The following CRAMP1 variants were observed in gnomAD, a reference collection of about 807,000 sequenced individuals.
CRAMP1 encodes cramped chromatin regulator 1.
Under a neutral mutation model 115.4 loss-of-function variants are expected in CRAMP1, and 50 were observed. The ratio of observed to expected loss-of-function variants is 0.43; its 90% confidence interval spans 0.35 to 0.55. The LOEUF (loss-of-function observed/expected upper bound fraction) is 0.55, where lower values mean the gene tolerates loss of function less well. Among genes scored for constraint, CRAMP1 ranks in the 20% least tolerant of loss-of-function variants. The pLI is 0.01. For synonymous variants in CRAMP1, 866 were observed against 745.4 expected (o/e 1.16, Z -2.64); for missense variants, 1,679 against 1,721.7 (o/e 0.98, Z 0.44).
rs931657131 is a variant in CRAMP1 at position 1,672,577 on chromosome 16, G to A, written c.3646-1304G>A. 8.5e-5 allele frequency among the ~76,000 whole-genome samples: 13 copies of A among 152,206 alleles called. No homozygotes were observed. Among genetic ancestry groups the A allele is most frequent in the Non-Finnish European group, 1.8e-4 (12 of 68,034 alleles). On this transcript the variant is annotated intron_variant, in intron 20 of 20. Transcript: ENST00000397412. This position sits in a 1 kb window ranked among gnomAD's most constrained non-coding sequence, Gnocchi z 4.9. ...TGCTTTTGAAAACAAATTTTAATTT[G>A]TCTGACATTTCCCATAATCAAAGCA...
Position 1,656,529 on chromosome 16 carries a change from T to C in CRAMP1, c.1772T>C (p.Leu591Pro). 1 of 1,559,060 alleles carries C rather than the reference T, an allele frequency of 6.4e-7. No individual in the cohort carries two copies. Among genetic ancestry groups the C allele is most frequent in the Non-Finnish European group, 8.7e-7 (1 of 1,152,220 alleles). The change falls in exon 10 of 21, where the codon CTG becomes CCG. Residue 591 changes from leucine to proline, a missense_variant. Leu to Pro is a moderately conservative substitution (Grantham distance 98, BLOSUM62 -3). Coordinates refer to ENST00000397412, the MANE Select transcript of CRAMP1 (RefSeq NM_020825.4). This position sits in a 1 kb window ranked among gnomAD's most constrained non-coding sequence, Gnocchi z 5.6. Reference sequence around the variant, plus strand: ...CGGCCTGGGAGCGAGCAGCCCCCTCTGGGCGGGGCGGCCTCCCCAGAGGTG... The same window carrying C: ...CGGCCTGGGAGCGAGCAGCCCCCTCCGGGCGGGGCGGCCTCCCCAGAGGTG... ...DTRPGSEQPP[L>P]GGAASPEVLA...
rs1431823838 is a variant in CRAMP1, at chr16:1,659,887, C to A, written c.2237C>A (p.Ala746Asp). ...TTGTTTGGCCCATTTCTGTCCTAGG[C>A]TCTGGAAGCAAACACCATCTCTACA... The part of the protein sequence containing the change: ...LISTEVNPKL[A>D]LEANTISTAS... Residue 746 changes from alanine to aspartate, a missense_variant and splice_region_variant, in exon 11 of 21, where the codon GCT (alanine) becomes GAT (aspartate). Ala to Asp is a moderately radical substitution (Grantham distance 126). Transcript: ENST00000397412. The A allele has an allele frequency of 1.2e-6, 2 of 1,613,186 alleles. No individual in the cohort carries two copies. Among genetic ancestry groups the A allele is most frequent in the Non-Finnish European group, 1.7e-6 (2 of 1,179,782 alleles).
At position 1,614,629 on chromosome 16, in the gene CRAMP1, C is replaced by T. The variant is rs994373596; in HGVS notation, c.-1-10C>T. 6.5e-6 allele frequency: 8 copies of T among 1,240,206 alleles called. No homozygotes were observed. In the African/African-American group the frequency reaches 7.8e-5, roughly 12 times the overall value. The allele number at this position is 1,240,206 out of a possible 1,614,324, so 76.8% of individuals were successfully genotyped here. On this transcript the variant is annotated splice_polypyrimidine_tract_variant and intron_variant, in intron 1 of 20. Coordinates refer to ENST00000397412, the MANE Select transcript of CRAMP1 (RefSeq NM_020825.4). This position sits in a 1 kb window ranked among gnomAD's most constrained non-coding sequence, Gnocchi z 4.4. ...CGCCTCACCGGCCGCCTCCCCTCTC[C>T]CGGCCGCAGGATGACAGTGAAGTTG...
In CRAMP1 at chr16:1,666,979, T is replaced by A. The variant is rs1278619890; in HGVS notation, c.3037-356T>A. ...CTTGGCCATTGCTCCTTTCCAAGGC[T>A]CTGAGCACCTGGTTTCTCTGGCCTC... On this transcript the variant is annotated intron_variant, in intron 16 of 20. Transcript: ENST00000397412. The surrounding 1 kb of genome is among the most constrained non-coding windows in gnomAD (Gnocchi z 5.0). Among the ~76,000 whole-genome samples the A allele has an allele frequency of 6.6e-6, 1 of 152,220 alleles. No homozygotes were observed. Among genetic ancestry groups the A allele is most frequent in the East Asian group, 1.9e-4 (1 of 5,190 alleles).
intron 4 of CRAMP1, among the ~76,000 whole-genome samples, chr16:1,634,833 C>G (rs1300966180): frequency 1.3e-5 from 2 of 152,238 alleles, no homozygotes; most frequent in African/African-American, 4.8e-5. Context: ...CATGGACTGT[C>G]ATTGCGCATC....
rs1310352406 is a variant in CRAMP1, at chr16:1,666,135, G to A, written c.2815G>A (p.Val939Met). 7.5e-6 allele frequency: 12 copies of A among 1,610,688 alleles called. No homozygotes were observed. Among genetic ancestry groups the A allele is most frequent in the Admixed American group, 1.7e-5 (1 of 59,676 alleles). The change falls in exon 15 of 21, where the codon GTG becomes ATG. Residue 939 changes from valine (V) to methionine (M), a missense_variant. This residue lies in a region of CRAMP1 where 709 missense variants were observed against 741.9 expected (regional missense o/e 0.96). Transcript: ENST00000397412. The surrounding 1 kb of genome is among the most constrained non-coding windows in gnomAD (Gnocchi z 5.0). ...CAAAGCAGCTCTGTCTCGGCCGATC[G>A]TGCCCAAGGTCCTTCCACCCCAGGC... is the stretch of plus-strand genomic sequence containing the variant. The part of the protein sequence containing the change: ...LTKAALSRPI[V>M]PKVLPPQATS...
rs1237141885 is a variant in CRAMP1 at position 1,666,484 on chromosome 16, G to A, written c.2920G>A (p.Asp974Asn). ...ILSGNPLPAL[D>N]TEGLSGISPL... ...TTCCGGGAACCCCCTCCCTGCCTTGGACACCGAGGGCTTGTCTGGCATCTC... is the reference window on the plus strand; with the variant it reads ...TTCCGGGAACCCCCTCCCTGCCTTGAACACCGAGGGCTTGTCTGGCATCTC... The change falls in exon 16 of 21, where the codon GAC (aspartate) becomes AAC (asparagine). Residue 974 changes from aspartate (D) to asparagine (N), a missense_variant. Physicochemically the swap from Asp to Asn is conservative, Grantham distance 23. This residue lies in a region of CRAMP1 where 709 missense variants were observed against 741.9 expected (regional missense o/e 0.96). Transcript: ENST00000397412. The surrounding 1 kb of genome is among the most constrained non-coding windows in gnomAD (Gnocchi z 5.0). 6.2e-7 allele frequency: 1 copy of A among 1,613,838 alleles called. No homozygotes were observed. The highest frequency in any genetic ancestry group is 2.2e-5 in the East Asian group (1 of 44,896).
intron 6 of CRAMP1, chr16:1,647,013 C>T (rs767531751): frequency 1.4e-6 from 1 of 702,694 alleles, no homozygotes; most frequent in South Asian, 1.5e-5. Context: ...GTTCTTTGAC[C>T]AGCAGACATT....
chr16:1,629,594 A>T (rs928548638), intron 3 of CRAMP1, among the ~76,000 whole-genome samples: 1 of 152,096 alleles, frequency 6.6e-6, no homozygotes, highest in African/African-American at 2.4e-5. Context: ...GGAGGCCTGG[A>T]ACTCAGGTTC....
chr16:1,636,812 C>T (rs1450259669), intron 4 of CRAMP1, among the ~76,000 whole-genome samples: 3 of 152,338 alleles, frequency 2.0e-5, no homozygotes, highest in Non-Finnish European at 2.9e-5. Flanking sequence ...AGGTGCCTCC[C>T]ATTCTTGTGC....
In CRAMP1 at chr16:1,675,887, C is replaced by T. The variant is rs1646164915; in HGVS notation, c.*1842C>T. On this transcript the variant is annotated 3_prime_UTR_variant, in exon 21 of 21. Coordinates refer to ENST00000397412, the MANE Select transcript of CRAMP1 (RefSeq NM_020825.4). ...TTGAACTACAGCATCTTTACACTAGCTTGTGTTTTGTGCTACGTATACCAG... is the reference window on the plus strand; with the variant it reads ...TTGAACTACAGCATCTTTACACTAGTTTGTGTTTTGTGCTACGTATACCAG... The T allele has an allele frequency of 6.6e-6, 1 of 152,224 alleles. No homozygotes were observed. The highest frequency in any genetic ancestry group is 2.4e-5 in the African/African-American group (1 of 41,438). 9.4% of individuals were successfully genotyped at this position (152,224 alleles called of 1,614,324 possible).
intron 20 of CRAMP1, among the ~76,000 whole-genome samples, chr16:1,673,417 T>C (rs1015981682): frequency 3.9e-5 from 6 of 152,070 alleles, no homozygotes; most frequent in Non-Finnish European, 8.8e-5. Context: ...ATGTCTATGA[T>C]GGAAACGTGT....
At chr16:1,662,959 C>CT in intron 13 of CRAMP1, 124 bp downstream of exon 13, 1 of 684,176 alleles carries the variant, frequency 1.5e-6, no homozygotes, top group East Asian at 2.7e-5. Flanking sequence ...TTCCTTCCCT[C>CT]TTGTGAGTAG....
At position 1,614,262 on chromosome 16, in the gene CRAMP1, G is replaced by T. The variant is rs1244141027; in HGVS notation, c.-1-377G>T. Among the ~76,000 whole-genome samples the T allele has an allele frequency of 6.8e-6, 1 of 146,896 alleles. No individual in the cohort carries two copies. The highest frequency in any genetic ancestry group is 1.5e-5 in the Non-Finnish European group (1 of 65,884). On this transcript the variant is annotated intron_variant, in intron 1 of 20. Transcript: ENST00000397412. The surrounding 1 kb of genome is among the most constrained non-coding windows in gnomAD (Gnocchi z 4.4). Reference sequence around the variant, plus strand: ...TGGCTGTGGGCGGGGCAGCGGCCCGGACCCGCAACCGTGCCCAGACCCGCG... The same window carrying T: ...TGGCTGTGGGCGGGGCAGCGGCCCGTACCCGCAACCGTGCCCAGACCCGCG...
intron 3 of CRAMP1, among the ~76,000 whole-genome samples, chr16:1,631,344 C>T (rs2036546936): frequency 6.6e-6 from 1 of 152,232 alleles, no homozygotes; most frequent in Non-Finnish European, 1.5e-5. Context: ...CATGCTGGCT[C>T]CTGCATCCTC....
chr16:1,617,264 C>T (rs2036428163), intron 2 of CRAMP1, among the ~76,000 whole-genome samples: 1 of 152,226 alleles, frequency 6.6e-6, no homozygotes. Context: ...AGGAAGGCTG[C>T]CTGTCCGCTG....
intron 19 of CRAMP1, 93 bp from the exon 20 acceptor site, chr16:1,670,565 AGGGCTT>A: frequency 7.5e-7 from 1 of 1,335,264 alleles, no homozygotes; most frequent in South Asian, 1.3e-5. Context: ...GGCCGGGGCT[AGGGCTT>A]GGGCTGGCTG....
chr16:1,617,426 A>T (rs563033150), intron 2 of CRAMP1, among the ~76,000 whole-genome samples: 1 of 152,252 alleles, frequency 6.6e-6, no homozygotes, highest in East Asian at 1.9e-4. Flanking sequence ...GCCCCGCAAC[A>T]GTCTTTAGCT....
chr16:1,677,491 AAAAC>A lies in CRAMP1; in HGVS notation c.*3447_*3450del, dbSNP rs1164805787. The A allele has an allele frequency of 6.6e-6, 1 of 152,412 alleles. No homozygotes were observed. The highest frequency in any genetic ancestry group is 6.5e-5 in the Admixed American group (1 of 15,272). The allele number at this position is 152,412 out of a possible 1,614,324, so 9.4% of individuals were successfully genotyped here. A position where few individuals can be genotyped will look rare whatever the true frequency, so the allele number is the denominator to read the frequency against. On this transcript the variant is annotated 3_prime_UTR_variant, in exon 21 of 21. Coordinates refer to ENST00000397412, the MANE Select transcript of CRAMP1 (RefSeq NM_020825.4). The stretch of plus-strand genomic sequence containing the variant: ...AAAGAGTAATTTACAACGAAGGAAA[AAAAC>A]CCACAGCACACCCTTCGCGGCTGTC...
Sources: gnomAD v4.1 joint callset for allele counts (sites outside exome capture counted in the v4.1 genomes callset) on GRCh38, gnomAD v4.1.1 for gene constraint, gnomAD v4.1.1 regional missense constraint, Gnocchi (gnomAD v3.1) non-coding constraint, MANE v1.5 for transcripts, NCBI Gene and HGNC (gene_info 2026-07-23, HGNC 2026-07-21) for gene names.